JPH3: variants seen among roughly 807,000 people sequenced by gnomAD.
The protein encoded by JPH3 is junctophilin 3.
JPH3 carries 11 observed loss-of-function variants against 59.6 expected under a neutral mutation model. The ratio of observed to expected loss-of-function variants is 0.18; its 90% CI spans 0.12 to 0.31. The LOEUF is 0.31. Ranked by LOEUF, JPH3 falls within the 10% of genes least tolerant of loss-of-function variation. The pLI is 1.00. For missense variants in JPH3, 1,202 were observed against 1,105.7 expected (o/e 1.09, Z -1.24); for synonymous variants, 673 against 483.6 (o/e 1.39, Z -5.14).
chr16:87,605,168 T>C (rs1015359518), intron 1 of JPH3, among the ~76,000 whole-genome samples: 2 of 152,102 alleles, frequency 1.3e-5, no homozygotes, highest in Non-Finnish European at 2.9e-5. Context: ...CTGAGCCTGC[T>C]CCAGGAGGAC....
chr16:87,675,184 G>A (rs918607703), intron 2 of JPH3, among the ~76,000 whole-genome samples: 2 of 23,660 alleles, frequency 8.5e-5, no homozygotes, highest in Non-Finnish European at 1.8e-4. Context: ...TTCACCCCCC[G>A]CCCCTCCCCC....
chr16:87,672,793 A>G (rs1009489405), intron 2 of JPH3, among the ~76,000 whole-genome samples: 6 of 152,226 alleles, frequency 3.9e-5, no homozygotes, highest in African/African-American at 1.2e-4. Context: ...TCAGGTGGCC[A>G]TTGGGGAAAG....
At chr16:87,688,247 C>G (rs1023695423) in intron 3 of JPH3, among the ~76,000 whole-genome samples, 2 of 152,164 alleles carry the variant, frequency 1.3e-5, no homozygotes, top group African/African-American at 4.8e-5. Context: ...GGCCACCCAC[C>G]CAGAGCTACC....
At chr16:87,622,752 C>A (rs1597241634) in intron 1 of JPH3, among the ~76,000 whole-genome samples, 1 of 152,060 alleles carries the variant, frequency 6.6e-6, no homozygotes, top group Non-Finnish European at 1.5e-5. Context: ...CCCCCCGCCC[C>A]ACCCTGCCGC....
chr16:87,611,455 C>T lies in JPH3; in HGVS notation c.382+7927C>T, dbSNP rs147771102. Among the ~76,000 whole-genome samples, 1,448 of 152,314 alleles carry T rather than the reference C, an allele frequency of 9.5e-3. 10 individuals carry two copies. The highest frequency in any genetic ancestry group is 0.015 in the Non-Finnish European group (993 of 68,030). ...TCCCTCAGCCTCAGCTTCCCCATCTCTATGATTTAGTCATGACATTTTTTT... is the reference window on the plus strand; with the variant it reads ...TCCCTCAGCCTCAGCTTCCCCATCTTTATGATTTAGTCATGACATTTTTTT... On this transcript the variant is annotated intron_variant, in intron 1 of 4. Transcript: ENST00000284262. This position sits in a 1 kb window ranked among gnomAD's most constrained non-coding sequence, Gnocchi z 4.5.
chr16:87,619,480 G>C (rs2031093152), intron 1 of JPH3, among the ~76,000 whole-genome samples: 1 of 152,182 alleles, frequency 6.6e-6, no homozygotes, highest in East Asian at 1.9e-4. Context: ...AACTGCGCTG[G>C]GTGTCTGTCT....
chr16:87,613,942 T>A (rs927994458), intron 1 of JPH3, among the ~76,000 whole-genome samples: 5 of 152,142 alleles, frequency 3.3e-5, no homozygotes, highest in Non-Finnish European at 7.3e-5. Flanking sequence ...AACTTGTTTC[T>A]GGCCGCAGAA....
At chr16:87,688,827 C>T (rs1597292686) in intron 3 of JPH3, among the ~76,000 whole-genome samples, 2 of 152,186 alleles carry the variant, frequency 1.3e-5, no homozygotes, top group Non-Finnish European at 2.9e-5. Context: ...GGAATAAAGT[C>T]GGGCATGGCT....
chr16:87,684,399 G>C, intron 3 of JPH3, 133 bp downstream of exon 3: 2 of 1,389,758 alleles, frequency 1.4e-6, no homozygotes, highest in Non-Finnish European at 1.9e-6. Flanking sequence ...CCCCTGCCCG[G>C]TGTCTTCCTC....
chr16:87,683,926 T>A, intron 2 of JPH3: 2 of 564,986 alleles, frequency 3.5e-6, no homozygotes, highest in Admixed American at 6.2e-5. Context: ...TTCAAGCATG[T>A]CCTGTGCACT....
At chr16:87,604,475 G>A in intron 1 of JPH3, 1 of 1,358,126 alleles carries the variant, frequency 7.4e-7, no homozygotes, top group Non-Finnish European at 9.7e-7. Context: ...TGGCTTCCCC[G>A]ACCAGTCCAC....
At chr16:87,625,018 C>T (rs1050313495) in intron 1 of JPH3, among the ~76,000 whole-genome samples, 1 of 152,278 alleles carries the variant, frequency 6.6e-6, no homozygotes, top group Non-Finnish European at 1.5e-5. Context: ...AGGCTGGTCT[C>T]GAACTCCTGA....
chr16:87,610,236 ACCTCCTG>A (rs1484391313), intron 1 of JPH3, among the ~76,000 whole-genome samples: 1 of 152,082 alleles, frequency 6.6e-6, no homozygotes, highest in Non-Finnish European at 1.5e-5. Flanking sequence ...CTCGCCACTC[ACCTCCTG>A]CTGTGTGGCT....
chr16:87,645,318 T>C (rs1290143173), intron 2 of JPH3, among the ~76,000 whole-genome samples: 2 of 152,148 alleles, frequency 1.3e-5, no homozygotes, highest in East Asian at 3.9e-4. Context: ...ATGCTGATGT[T>C]TAGTGTAAAA....
At chr16:87,677,226 A>ACACACACACACACACACACACACACACAC (rs1491554199) in intron 2 of JPH3, among the ~76,000 whole-genome samples, 2 of 88,048 alleles carry the variant, frequency 2.3e-5, no homozygotes, top group Admixed American at 1.2e-4. Context: ...ACACACACAC[A>ACACACACACACACACACACACACACACAC]AAAAAAAAAA....
Position 87,697,482 on chromosome 16 carries a change from TGGGCTCGCGCCG to T in JPH3, c.*829_*840del, listed in dbSNP as rs1405638313. On this transcript the variant is annotated 3_prime_UTR_variant, in exon 5 of 5. Coordinates refer to ENST00000284262, the MANE Select transcript of JPH3 (RefSeq NM_020655.4). ...AGCCAAGGGGGCTGTGCCGTGGAGC[TGGGCTCGCGCCG>T]GGGCTCTGGGTGTGTGCGCTTGGCG... The T allele has an allele frequency of 6.6e-6, 1 of 152,412 alleles. No individual in the cohort carries two copies. Among genetic ancestry groups the T allele is most frequent in the Non-Finnish European group, 1.5e-5 (1 of 68,202 alleles). 9.4% of individuals were successfully genotyped at this position (152,412 alleles called of 1,614,324 possible). A position where few individuals can be genotyped will look rare whatever the true frequency, so the allele number is the denominator to read the frequency against.
chr16:87,669,585 G>T (rs8051276), intron 2 of JPH3, among the ~76,000 whole-genome samples: 2 of 151,948 alleles, frequency 1.3e-5, no homozygotes, highest in East Asian at 1.9e-4. Flanking sequence ...ACGTGGGTCA[G>T]TGGCCCGCGG....
At chr16:87,630,854 A>G (rs2150835217) in intron 1 of JPH3, among the ~76,000 whole-genome samples, 1 of 151,232 alleles carries the variant, frequency 6.6e-6, no homozygotes, top group East Asian at 1.9e-4. Flanking sequence ...CATTCTCCCC[A>G]CTCCCAGCTA....
At chr16:87,658,079 A>C (rs1221971487) in intron 2 of JPH3, among the ~76,000 whole-genome samples, 1 of 152,188 alleles carries the variant, frequency 6.6e-6, no homozygotes, top group African/African-American at 2.4e-5. Flanking sequence ...CTACCCCGGA[A>C]GGCACCATGC....
Sources: allele counts gnomAD v4.1 joint callset (sites outside exome capture counted in the v4.1 genomes callset), GRCh38; gene constraint gnomAD v4.1.1; non-coding constraint Gnocchi (gnomAD v3.1); transcripts MANE v1.5; gene names NCBI Gene and HGNC (gene_info 2026-07-23, HGNC 2026-07-21).